The following CWC27 variants were observed in gnomAD, a reference collection of about 807,000 sequenced individuals.
CWC27 encodes spliceosome-associated protein CWC27 homolog.
A neutral mutation model predicts 63.6 loss-of-function variants in CWC27; 47 were observed. The ratio of observed to expected loss-of-function variants is 0.74; its 90% confidence interval spans 0.58 to 0.94. The LOEUF (loss-of-function observed/expected upper bound fraction) is 0.94, where lower values mean the gene tolerates loss of function less well. CWC27 is among the 40% of genes least tolerant of loss of function. The pLI is 0.00. For synonymous variants in CWC27, 175 were observed against 179.8 expected (o/e 0.97, Z 0.22); for missense variants, 495 against 554.3 (o/e 0.89, Z 1.07).
rs10043636 is a variant in CWC27, at chr5:64,823,198, G to A, written c.938+18812G>A. On this transcript the variant is annotated intron_variant, in intron 10 of 13. Transcript: ENST00000381070. ...GTGTACATGAGACCACTTTTAAAACGTAATGCCATTGATGGCCTGTGATTA... is the reference window on the plus strand; with the variant it reads ...GTGTACATGAGACCACTTTTAAAACATAATGCCATTGATGGCCTGTGATTA... Among the ~76,000 whole-genome samples, 1,252 of 152,248 alleles carry A rather than the reference G, an allele frequency of 8.2e-3. 20 individuals are homozygous for A. Among genetic ancestry groups the A allele is most frequent in the African/African-American group, 0.029 (1,190 of 41,534 alleles).
chr5:64,899,476 A>G (rs1747453913), intron 11 of CWC27, among the ~76,000 whole-genome samples: 1 of 152,246 alleles, frequency 6.6e-6, no homozygotes, highest in African/African-American at 2.4e-5. Context: ...GAAAAAAAGA[A>G]TAACAATGAA....
At chr5:64,862,377 CA>C (rs1328841253) in intron 10 of CWC27, among the ~76,000 whole-genome samples, 6 of 151,912 alleles carry the variant, frequency 3.9e-5, no homozygotes, top group Non-Finnish European at 8.8e-5. Flanking sequence ...CAAAAACAAA[CA>C]AAACCCTAGA....
chr5:64,770,663 G>C (rs1394995849), intron 1 of CWC27, among the ~76,000 whole-genome samples: 5 of 152,094 alleles, frequency 3.3e-5, no homozygotes, highest in African/African-American at 1.2e-4. Flanking sequence ...GAACATAAGG[G>C]CAGAGACAAG....
intron 10 of CWC27, among the ~76,000 whole-genome samples, chr5:64,846,654 G>A (rs1253072171): frequency 1.3e-5 from 2 of 151,918 alleles, no homozygotes; most frequent in Non-Finnish European, 2.9e-5. Context: ...CAGCAAGGGA[G>A]GAAGACAAAA....
chr5:64,876,043 T>C (rs1438389750), intron 10 of CWC27, among the ~76,000 whole-genome samples: 2 of 152,168 alleles, frequency 1.3e-5, no homozygotes, highest in Non-Finnish European at 2.9e-5. Flanking sequence ...AATGCGGTAC[T>C]GCTAGTAATA....
intron 5 of CWC27, 49 bp downstream of exon 5, chr5:64,785,628 A>T (rs745905597): frequency 7.7e-6 from 9 of 1,163,558 alleles, no homozygotes; most frequent in African/African-American, 1.6e-5. Context: ...GTCGTTTAAG[A>T]GGAATTGATT....
At chr5:64,930,834 C>A (rs887165978) in intron 11 of CWC27, among the ~76,000 whole-genome samples, 3 of 152,260 alleles carry the variant, frequency 2.0e-5, no homozygotes, top group African/African-American at 7.2e-5. Context: ...GAAGAACATA[C>A]AATCACTTGT....
intron 4 of CWC27, 34 bp from the exon 5 acceptor site, chr5:64,785,447 A>G: frequency 3.7e-6 from 4 of 1,067,804 alleles, no homozygotes; most frequent in Non-Finnish European, 5.0e-6. Flanking sequence ...TGAGTGCAAT[A>G]ATTTTCAATT....
chr5:64,781,912 T>C lies in CWC27; in HGVS notation c.140-9T>C. 2.1e-6 allele frequency: 3 copies of C among 1,426,976 alleles called. No individual in the cohort carries two copies. Among genetic ancestry groups the C allele is most frequent in the Non-Finnish European group, 2.9e-6 (3 of 1,025,076 alleles). 88.4% of individuals were successfully genotyped at this position (1,426,976 alleles called of 1,614,324 possible). A position where few individuals can be genotyped will look rare whatever the true frequency, so the allele number is the denominator to read the frequency against. On this transcript the variant is annotated splice_polypyrimidine_tract_variant and intron_variant, in intron 2 of 13. Coordinates refer to ENST00000381070, the MANE Select transcript of CWC27 (RefSeq NM_005869.4). ...AGACATTGATAAATTATTTTTATTT[T>C]TTTTTCAGCTTATTATGACAATACC...
At chr5:64,790,047 C>T (rs1327436622) in intron 7 of CWC27, among the ~76,000 whole-genome samples, 4 of 152,050 alleles carry the variant, frequency 2.6e-5, no homozygotes, top group Non-Finnish European at 4.4e-5. Context: ...ACTTAATACC[C>T]CTTGCATTAA....
At chr5:64,988,244 T>TA (rs1404011287) in intron 13 of CWC27, among the ~76,000 whole-genome samples, 3 of 152,246 alleles carry the variant, frequency 2.0e-5, no homozygotes, top group Non-Finnish European at 4.4e-5. Flanking sequence ...TTTTTTACAA[T>TA]AACTGTTTAA....
intron 11 of CWC27, among the ~76,000 whole-genome samples, chr5:64,961,579 C>G (rs898565570): frequency 3.3e-5 from 5 of 152,094 alleles, no homozygotes; most frequent in African/African-American, 1.2e-4. Flanking sequence ...ATGTTAAGTT[C>G]ATTTTACCCT....
At chr5:64,931,895 C>T (rs1370263049) in intron 11 of CWC27, among the ~76,000 whole-genome samples, 2 of 151,836 alleles carry the variant, frequency 1.3e-5, no homozygotes, top group Non-Finnish European at 2.9e-5. Flanking sequence ...AATGCATATT[C>T]CAGCTTTTCT....
chr5:64,950,477 AC>A (rs1748682641), intron 11 of CWC27, among the ~76,000 whole-genome samples: 1 of 151,980 alleles, frequency 6.6e-6, no homozygotes, highest in Admixed American at 6.6e-5. Flanking sequence ...GAAAATAAAA[AC>A]CAAAATAACT....
chr5:64,779,973 C>T (rs1048256771), intron 2 of CWC27, among the ~76,000 whole-genome samples: 1 of 152,162 alleles, frequency 6.6e-6, no homozygotes, highest in African/African-American at 2.4e-5. Flanking sequence ...GCCTCCCCAG[C>T]AATGTGGGAC....
At chr5:64,812,264 ATAT>A (rs1744899307) in intron 10 of CWC27, among the ~76,000 whole-genome samples, 1 of 152,148 alleles carries the variant, frequency 6.6e-6, no homozygotes, top group Non-Finnish European at 1.5e-5. Flanking sequence ...AAACCCACAG[ATAT>A]TATAACAACC....
chr5:64,902,307 G>C (rs1374876405), intron 11 of CWC27, among the ~76,000 whole-genome samples: 1 of 152,148 alleles, frequency 6.6e-6, no homozygotes, highest in African/African-American at 2.4e-5. Flanking sequence ...CCAGGTGATA[G>C]GAATTTTTCA....
At chr5:64,776,441 A>T (rs940560573) in intron 2 of CWC27, among the ~76,000 whole-genome samples, 4 of 152,168 alleles carry the variant, frequency 2.6e-5, no homozygotes, top group Non-Finnish European at 4.4e-5. Context: ...GAGGTTCTTA[A>T]GTTGGGTGAT....
intron 2 of CWC27, among the ~76,000 whole-genome samples, chr5:64,780,720 G>A (rs1449691236): frequency 1.5e-5 from 2 of 135,670 alleles, no homozygotes; most frequent in Admixed American, 7.5e-5. Flanking sequence ...CACACACACC[G>A]GAATCATAAT....
Sources: allele counts gnomAD v4.1 joint callset (sites outside exome capture counted in the v4.1 genomes callset), GRCh38; gene constraint gnomAD v4.1.1; transcripts MANE v1.5; gene names NCBI Gene and HGNC (gene_info 2026-07-23, HGNC 2026-07-21).